Variants in SNTG1 observed in about 807,000 individuals in gnomAD.
The protein encoded by SNTG1 is gamma-1-syntrophin.
Under a neutral mutation model 74.7 loss-of-function variants are expected in SNTG1, and 39 were observed. The ratio of observed to expected loss-of-function variants is 0.52; its 90% CI spans 0.40 to 0.68. The LOEUF (loss-of-function observed/expected upper bound fraction) is 0.68. Among genes scored for constraint, SNTG1 ranks in the 30% least tolerant of loss-of-function variants. SNTG1 has a pLI of 0.00. For synonymous variants in SNTG1, 254 were observed against 217.1 expected (o/e 1.17, Z -1.49); for missense variants, 685 against 609.5 (o/e 1.12, Z -1.30).
chr8:50,675,238 C>A (rs181406147), intron 15 of SNTG1, among the ~76,000 whole-genome samples: 1 of 151,686 alleles, frequency 6.6e-6, no homozygotes, highest in Non-Finnish European at 1.5e-5. Context: ...TTCTCTCATT[C>A]ATCTTTCTAA....
At chr8:50,784,210 A>G (rs957309606) in intron 18 of SNTG1, among the ~76,000 whole-genome samples, 2 of 152,210 alleles carry the variant, frequency 1.3e-5, no homozygotes, top group African/African-American at 2.4e-5. Flanking sequence ...TTTGTTTTAC[A>G]TATAATATGC....
At chr8:50,544,942 T>C (rs942254937) in intron 11 of SNTG1, among the ~76,000 whole-genome samples, 2 of 151,966 alleles carry the variant, frequency 1.3e-5, no homozygotes, top group Admixed American at 6.6e-5. Context: ...TAATACACTA[T>C]TGCATATATA....
chr8:50,081,226 A>T (rs1822374707), intron 1 of SNTG1, among the ~76,000 whole-genome samples: 1 of 151,940 alleles, frequency 6.6e-6, no homozygotes, highest in Admixed American at 6.6e-5. Context: ...TTTGCTGGTT[A>T]TAAAATTCTT....
At chr8:50,690,548 T>C (rs904125151) in intron 15 of SNTG1, among the ~76,000 whole-genome samples, 3 of 152,178 alleles carry the variant, frequency 2.0e-5, no homozygotes, top group African/African-American at 7.2e-5. Context: ...TTCCATGTAG[T>C]TGTGTGGTTT....
At chr8:50,223,408 AC>A (rs2085166603) in intron 2 of SNTG1, among the ~76,000 whole-genome samples, 1 of 152,174 alleles carries the variant, frequency 6.6e-6, no homozygotes, top group Non-Finnish European at 1.5e-5. Context: ...AATCAAATAC[AC>A]AGATGCAAAG....
chr8:50,031,790 G>A (rs2130759056), intron 1 of SNTG1, among the ~76,000 whole-genome samples: 1 of 152,080 alleles, frequency 6.6e-6, no homozygotes, highest in Non-Finnish European at 1.5e-5. Context: ...AAGTTTGTAT[G>A]TACTTTCTTC....
intron 2 of SNTG1, among the ~76,000 whole-genome samples, chr8:50,278,334 C>G (rs1180348486): frequency 1.3e-5 from 2 of 151,784 alleles, no homozygotes; most frequent in Non-Finnish European, 2.9e-5. Context: ...GTCTTTAATC[C>G]TTGTAACTGC....
intron 1 of SNTG1, among the ~76,000 whole-genome samples, chr8:50,118,478 A>G (rs961079113): frequency 5.9e-5 from 9 of 152,212 alleles, no homozygotes; most frequent in African/African-American, 1.7e-4. Flanking sequence ...CCTATGAGGT[A>G]GATAATATCA....
intron 2 of SNTG1, among the ~76,000 whole-genome samples, chr8:50,341,131 C>A (rs915677459): frequency 1.3e-5 from 2 of 151,882 alleles, no homozygotes; most frequent in Non-Finnish European, 2.9e-5. Flanking sequence ...GTAGGCAATG[C>A]AGCCTTAAAT....
At chr8:49,977,620 C>T (rs574109224) in intron 1 of SNTG1, among the ~76,000 whole-genome samples, 3 of 152,264 alleles carry the variant, frequency 2.0e-5, no homozygotes, top group African/African-American at 4.8e-5. Flanking sequence ...GGCAAGGATC[C>T]CTGAGGGGAA....
chr8:50,357,062 C>T (rs1288790228), intron 2 of SNTG1, among the ~76,000 whole-genome samples: 1 of 152,168 alleles, frequency 6.6e-6, no homozygotes, highest in Non-Finnish European at 1.5e-5. Context: ...TTTTCTCTCC[C>T]TGGTTGGCCT....
intron 2 of SNTG1, among the ~76,000 whole-genome samples, chr8:50,240,350 A>G (rs1245525912): frequency 6.6e-6 from 1 of 152,208 alleles, no homozygotes; most frequent in Non-Finnish European, 1.5e-5. Flanking sequence ...TGCTTTTCTC[A>G]ATACCAGAAT....
At chr8:50,032,432 T>C (rs563894287) in intron 1 of SNTG1, among the ~76,000 whole-genome samples, 3 of 152,274 alleles carry the variant, frequency 2.0e-5, no homozygotes, top group South Asian at 2.1e-4. Context: ...TAGAGTGCTA[T>C]AGTTTAGAAA....
chr8:50,241,396 C>A (rs750955422), intron 2 of SNTG1, among the ~76,000 whole-genome samples: 10 of 148,754 alleles, frequency 6.7e-5, no homozygotes, highest in Non-Finnish European at 1.4e-4. Context: ...CAGAATGGTT[C>A]CAGGTAAATG....
At chr8:50,561,970 AT>A (rs2094490993) in intron 12 of SNTG1, among the ~76,000 whole-genome samples, 1 of 152,194 alleles carries the variant, frequency 6.6e-6, no homozygotes, top group Non-Finnish European at 1.5e-5. Flanking sequence ...TCCTGTGAAG[AT>A]TCTCGCCATC....
intron 1 of SNTG1, among the ~76,000 whole-genome samples, chr8:50,070,217 G>T (rs543792778): frequency 2.6e-5 from 4 of 152,052 alleles, no homozygotes; most frequent in Admixed American, 2.6e-4. Flanking sequence ...TAGCTCAGAC[G>T]TGTTATTCAA....
intron 1 of SNTG1, among the ~76,000 whole-genome samples, chr8:50,081,147 A>G (rs118040011): frequency 0.012 from 1,836 of 152,254 alleles, 17 homozygotes; most frequent in Non-Finnish European, 0.019. Context: ...TTTTCTGTCA[A>G]CTTGAATTCA....
chr8:49,972,772 A>ATCAC (rs1412209172), intron 1 of SNTG1, among the ~76,000 whole-genome samples: 4 of 152,230 alleles, frequency 2.6e-5, no homozygotes, highest in Non-Finnish European at 5.9e-5. Flanking sequence ...AATGCTCATC[A>ATCAC]TCACTGGCCA....
intron 1 of SNTG1, among the ~76,000 whole-genome samples, chr8:50,013,498 GATAGAT>G (rs1563471906): frequency 3.3e-5 from 5 of 150,634 alleles, no homozygotes; most frequent in Non-Finnish European, 7.4e-5. Context: ...TAGATAGATA[GATAGAT>G]AGAGATATAT....
Sources: allele counts gnomAD v4.1 joint callset (sites outside exome capture counted in the v4.1 genomes callset), GRCh38; gene constraint gnomAD v4.1.1; transcripts MANE v1.5; gene names NCBI Gene and HGNC (gene_info 2026-07-23, HGNC 2026-07-21).